The following ALCAM variants were observed in gnomAD, a reference collection of about 807,000 sequenced individuals.
ALCAM encodes the protein CD166 antigen.
ALCAM carries 30 observed loss-of-function variants against 70.9 expected under a neutral mutation model. The ratio of observed to expected loss-of-function variants is 0.42; its 90% CI spans 0.32 to 0.57. The LOEUF is 0.57. Among genes scored for constraint, ALCAM ranks in the 20% least tolerant of loss-of-function variants. ALCAM has a pLI of 0.11. For missense variants in ALCAM, 591 were observed against 695.1 expected (o/e 0.85, Z 1.68); for synonymous variants, 249 against 242.5 (o/e 1.03, Z -0.25).
intron 1 of ALCAM, among the ~76,000 whole-genome samples, chr3:105,368,020 C>G (rs1027817884): frequency 7.9e-5 from 12 of 151,824 alleles, no homozygotes; most frequent in Non-Finnish European, 4.4e-5. Flanking sequence ...CCTGCTAAAG[C>G]TTAAAATCGT....
At chr3:105,514,084 A>C (rs916224303) in intron 1 of ALCAM, among the ~76,000 whole-genome samples, 2 of 151,854 alleles carry the variant, frequency 1.3e-5, no homozygotes, top group African/African-American at 4.8e-5. Flanking sequence ...AATATCCTCA[A>C]TCTCATTGCT....
At chr3:105,393,722 T>G (rs1228894002) in intron 1 of ALCAM, among the ~76,000 whole-genome samples, 1 of 151,908 alleles carries the variant, frequency 6.6e-6, no homozygotes, top group Admixed American at 6.6e-5. Flanking sequence ...AAGCAGTGTT[T>G]TGAAGTAAAA....
intron 1 of ALCAM, among the ~76,000 whole-genome samples, chr3:105,387,487 A>C (rs370509571): frequency 6.6e-6 from 1 of 151,560 alleles, no homozygotes; most frequent in Non-Finnish European, 1.5e-5. Flanking sequence ...ACATACCTAC[A>C]TTGTTAAATA....
chr3:105,407,223 A>C (rs1371137897), intron 1 of ALCAM, among the ~76,000 whole-genome samples: 2 of 151,812 alleles, frequency 1.3e-5, no homozygotes, highest in East Asian at 3.9e-4. Flanking sequence ...TATCACCCTA[A>C]TACCAAAACC....
In ALCAM at chr3:105,526,056, G is replaced by A. The variant is rs544214184; in HGVS notation, c.394+1548G>A. Among the ~76,000 whole-genome samples the A allele has an allele frequency of 2.0e-5, 3 of 152,168 alleles. No individual in the cohort carries two copies. In the East Asian group the frequency reaches 5.8e-4, roughly 29 times the overall value. On this transcript the variant is annotated intron_variant, in intron 3 of 15. Coordinates refer to ENST00000306107, the MANE Select transcript of ALCAM (RefSeq NM_001627.4). ...AAGCGAGTAATCAAAAAGTTTTTTG[G>A]TGATAGTTATAATGTCATAATATAA...
At chr3:105,530,128 G>A (rs990129161) in intron 3 of ALCAM, among the ~76,000 whole-genome samples, 3 of 151,970 alleles carry the variant, frequency 2.0e-5, no homozygotes, top group Non-Finnish European at 4.4e-5. Flanking sequence ...AGCTCTCAGA[G>A]AGGGTGTCAC....
chr3:105,368,752 C>A (rs551761718), intron 1 of ALCAM, among the ~76,000 whole-genome samples: 3 of 152,110 alleles, frequency 2.0e-5, no homozygotes, highest in Admixed American at 1.3e-4. Context: ...CTGCTGCTGC[C>A]GTTGCTGTGT....
At chr3:105,412,155 C>T (rs1480553879) in intron 1 of ALCAM, among the ~76,000 whole-genome samples, 1 of 151,918 alleles carries the variant, frequency 6.6e-6, no homozygotes, top group Non-Finnish European at 1.5e-5. Flanking sequence ...ATTTTCAGGT[C>T]TATGGTTTTA....
At position 105,481,587 on chromosome 3, in the gene ALCAM, A is replaced by G. The variant is rs932976502; in HGVS notation, c.74-38480A>G. Among the ~76,000 whole-genome samples the G allele has an allele frequency of 8.1e-4, 123 of 152,166 alleles. 1 individual carries two copies. Among genetic ancestry groups the G allele is most frequent in the Non-Finnish European group, 3.2e-4 (22 of 68,004 alleles). On this transcript the variant is annotated intron_variant, in intron 1 of 15. Coordinates refer to ENST00000306107, the MANE Select transcript of ALCAM (RefSeq NM_001627.4). ...CATTTTAAATCAGTAAGTTTTTCTT[A>G]TCTTTTATAAGAAGACTAATTCTAC... is the stretch of plus-strand genomic sequence containing the variant.
chr3:105,511,461 A>T (rs1240223786), intron 1 of ALCAM, among the ~76,000 whole-genome samples: 1 of 152,050 alleles, frequency 6.6e-6, no homozygotes, highest in African/African-American at 2.4e-5. Context: ...ACTAGATCTT[A>T]TAGTAAGCTG....
chr3:105,479,518 A>G (rs1337986459), intron 1 of ALCAM, among the ~76,000 whole-genome samples: 1 of 152,094 alleles, frequency 6.6e-6, no homozygotes, highest in African/African-American at 2.4e-5. Flanking sequence ...AGCAGAAAGC[A>G]AATGGAACAT....
At chr3:105,413,475 T>C (rs1023126397) in intron 1 of ALCAM, among the ~76,000 whole-genome samples, 1 of 152,246 alleles carries the variant, frequency 6.6e-6, no homozygotes, top group East Asian at 1.9e-4. Flanking sequence ...CCTGGGTGAT[T>C]GTGCTGTAGG....
intron 1 of ALCAM, among the ~76,000 whole-genome samples, chr3:105,489,000 C>T (rs780016407): frequency 1.1e-4 from 16 of 152,096 alleles, no homozygotes; most frequent in Admixed American, 9.8e-4. Flanking sequence ...TTGTTTAAAG[C>T]ATGAGAGTTT....
chr3:105,543,131 T>C (rs1940163879), intron 8 of ALCAM, among the ~76,000 whole-genome samples: 2 of 151,696 alleles, frequency 1.3e-5, no homozygotes, highest in Non-Finnish European at 3.0e-5. Flanking sequence ...TTTTAAGAGA[T>C]GCAAGGTACA....
At chr3:105,380,858 T>A (rs1034684920) in intron 1 of ALCAM, among the ~76,000 whole-genome samples, 1 of 151,986 alleles carries the variant, frequency 6.6e-6, no homozygotes, top group Non-Finnish European at 1.5e-5. Context: ...AGCTTTGTGA[T>A]AAAGGCCTGT....
intron 1 of ALCAM, among the ~76,000 whole-genome samples, chr3:105,469,498 G>T (rs1937858545): frequency 6.6e-6 from 1 of 151,110 alleles, no homozygotes; most frequent in Non-Finnish European, 1.5e-5. Context: ...CAGACCAAAA[G>T]TAAACAGAAA....
chr3:105,489,530 T>C (rs911781960), intron 1 of ALCAM, among the ~76,000 whole-genome samples: 4 of 152,210 alleles, frequency 2.6e-5, no homozygotes, highest in Admixed American at 1.3e-4. Flanking sequence ...AAAAATAGGA[T>C]AGATTATATT....
chr3:105,499,421 G>C (rs934227393), intron 1 of ALCAM, among the ~76,000 whole-genome samples: 1 of 152,056 alleles, frequency 6.6e-6, no homozygotes, highest in African/African-American at 2.4e-5. Context: ...TGGAAAATAG[G>C]CCTAGTAATA....
At chr3:105,399,005 G>C (rs1936022548) in intron 1 of ALCAM, among the ~76,000 whole-genome samples, 1 of 149,190 alleles carries the variant, frequency 6.7e-6, no homozygotes, top group African/African-American at 2.5e-5. Flanking sequence ...AAGTTACTTT[G>C]GTTAGTTTAC....
Sources: allele counts gnomAD v4.1 joint callset (sites outside exome capture counted in the v4.1 genomes callset), GRCh38; gene constraint gnomAD v4.1.1; transcripts MANE v1.5; gene names NCBI Gene and HGNC (gene_info 2026-07-23, HGNC 2026-07-21).